The following NID2 variants were observed in gnomAD, a reference collection of about 807,000 sequenced individuals.
The protein encoded by NID2 is nidogen 2, also known as nidogen-2.
A neutral mutation model predicts 145.4 loss-of-function variants in NID2; 83 were observed. That is an observed-to-expected ratio of 0.57 (90% confidence interval 0.48 to 0.69). The LOEUF is 0.69. Among genes scored for constraint, NID2 ranks in the 30% least tolerant of loss-of-function variants. The pLI is 0.00. For missense variants in NID2, 1,807 were observed against 1,765.7 expected, an observed-to-expected ratio of 1.02 and a Z score of -0.42; for synonymous variants, 739 against 701.3, an observed-to-expected ratio of 1.05 and a Z score of -0.85.
intron 5 of NID2, among the ~76,000 whole-genome samples, chr14:52,043,132 G>T (rs1039377813): frequency 6.6e-6 from 1 of 152,170 alleles, no homozygotes; most frequent in Non-Finnish European, 1.5e-5. Context: ...ACTGCTCCCG[G>T]CTGGGTCCCA....
rs1892620612 is a variant in NID2 at position 52,049,583 on chromosome 14, A to T, written c.1429+3996T>A. Among the ~76,000 whole-genome samples the T allele has an allele frequency of 2.0e-5, 3 of 152,276 alleles. No individual in the cohort carries two copies. The South Asian group carries it at 6.2e-4, about 32-fold the overall frequency. ...AATTTTTACTGCTACCTCAAAAAAA[A>T]AAAAAGTCATTTTCACCGCAGGAAA... On this transcript the variant is annotated intron_variant, in intron 5 of 21. Transcript: ENST00000216286.
chr14:52,068,535 C>T (rs1893306928), intron 1 of NID2, among the ~76,000 whole-genome samples: 1 of 152,226 alleles, frequency 6.6e-6, no homozygotes, highest in East Asian at 1.9e-4. Flanking sequence ...CCTTTTCTGC[C>T]TGGGACGCGT....
chr14:52,035,486 T>C (rs1159703916), intron 9 of NID2, among the ~76,000 whole-genome samples: 1 of 152,138 alleles, frequency 6.6e-6, no homozygotes, highest in Non-Finnish European at 1.5e-5. Context: ...CAGGTGAGGC[T>C]AATGGTCATT....
chr14:52,040,588 G>C (rs781308671), intron 8 of NID2, 63 bp downstream of exon 8: 7 of 1,403,674 alleles, frequency 5.0e-6, no homozygotes, highest in Non-Finnish European at 7.1e-6. Context: ...TTTAAGCCTT[G>C]TATCTATCTT....
chr14:52,030,489 GAAAGAAAGAAAGAGAAAGAAAGAAAGA>G (rs1420292394), intron 9 of NID2, among the ~76,000 whole-genome samples: 1 of 49,322 alleles, frequency 2.0e-5, no homozygotes, highest in African/African-American at 6.4e-5. Context: ...AGAAAAGAAA[GAAAGAAAGAAAGAGAAAGAAAGAAAGA>G]AAAGAAAGAA....
At position 52,014,444 on chromosome 14, in the gene NID2, A is replaced by T; in HGVS notation, c.3263T>A (p.Val1088Asp). 1 of 1,610,706 alleles carries T rather than the reference A, an allele frequency of 6.2e-7. No homozygotes were observed. Among genetic ancestry groups the T allele is most frequent in the South Asian group, 1.1e-5 (1 of 90,690 alleles). Residue 1088 changes from valine to aspartate, a missense_variant, in exon 16 of 22, where the codon GTC (valine) becomes GAC (aspartate). Val to Asp is a radical substitution (Grantham distance 152). Transcript: ENST00000216286. ...PGTTPACIPT[V>D]APPMVRPTPR... ...CGTGGGCCGGACCATGGGTGGAGCG[A>T]CGGTGGGTATACCTGTGGGAGAGAG...
intron 9 of NID2, among the ~76,000 whole-genome samples, chr14:52,032,010 G>A (rs1449465235): frequency 6.6e-6 from 1 of 152,134 alleles, no homozygotes; most frequent in African/African-American, 2.4e-5. Context: ...CTCATAGACT[G>A]GACTCGCTCC....
At chr14:52,008,537 A>C (rs1348282688) in intron 18 of NID2, 3 of 152,214 alleles carry the variant, frequency 2.0e-5, no homozygotes, top group Non-Finnish European at 2.9e-5. Flanking sequence ...GCAGTAGGTA[A>C]CTAATACACA....
At chr14:52,027,168 T>G (rs771140061) in intron 12 of NID2, 33 bp downstream of exon 12, 24 of 1,438,122 alleles carry the variant, frequency 1.7e-5, no homozygotes, top group Non-Finnish European at 2.2e-5. Flanking sequence ...AAAGCAACTT[T>G]CCAGTCATTG....
At chr14:52,032,094 TG>T (rs1891890476) in intron 9 of NID2, among the ~76,000 whole-genome samples, 1 of 152,258 alleles carries the variant, frequency 6.6e-6, no homozygotes, top group South Asian at 2.1e-4. Context: ...TCCAGTGCCC[TG>T]TCATAGCCTG....
rs73290032 is a variant in NID2 at position 52,054,469 on chromosome 14, A to T, written c.768-148T>A. 1,503 of 764,068 alleles carry T rather than the reference A, an allele frequency of 2.0e-3. 14 individuals carry two copies. The African/African-American group carries it at 0.024, about 12-fold the overall frequency. 47.3% of individuals were successfully genotyped at this position (764,068 alleles called of 1,614,324 possible). A position where few individuals can be genotyped will look rare whatever the true frequency, so the allele number is the denominator to read the frequency against. Reference sequence around the variant, plus strand: ...ATAATCCCAGCACTTTGCAAGGCCAAAGTAGGAGGATGACTTAAGCCCAGG... The same window carrying T: ...ATAATCCCAGCACTTTGCAAGGCCATAGTAGGAGGATGACTTAAGCCCAGG... On this transcript the variant is annotated intron_variant, in intron 3 of 21. Coordinates refer to ENST00000216286, the MANE Select transcript of NID2 (RefSeq NM_007361.4).
chr14:52,023,693 T>C (rs571422890), intron 12 of NID2, among the ~76,000 whole-genome samples: 91 of 152,192 alleles, frequency 6.0e-4, no homozygotes, highest in South Asian at 1.0e-3. Flanking sequence ...AGGACAAACA[T>C]GTCTGAGAAA....
At position 52,065,369 on chromosome 14, in the gene NID2, C is replaced by G. The variant is rs539962178; in HGVS notation, c.534+2489G>C. 6.6e-5 allele frequency among the ~76,000 whole-genome samples: 10 copies of G among 151,694 alleles called. No homozygotes were observed. The East Asian group carries it at 1.9e-3, about 29-fold the overall frequency. ...CCAAAGAACTATTAAAACAAGAACT[C>G]AAGTCCCAGAGCTCTTTAAAATATT... On this transcript the variant is annotated intron_variant, in intron 2 of 21. Coordinates refer to ENST00000216286, the MANE Select transcript of NID2 (RefSeq NM_007361.4).
chr14:52,011,545 G>A lies in NID2; in HGVS notation c.3550+9C>T, dbSNP rs1262952194. On this transcript the variant is annotated intron_variant, in intron 17 of 21. Coordinates refer to ENST00000216286, the MANE Select transcript of NID2 (RefSeq NM_007361.4). Reference sequence around the variant, plus strand: ...AATGAAATGCAGACTGCTGAGTGAAGCTGCTGACCTGAATTCACGATCGTC... The same window carrying A: ...AATGAAATGCAGACTGCTGAGTGAAACTGCTGACCTGAATTCACGATCGTC... 6.2e-7 allele frequency: 1 copy of A among 1,614,004 alleles called. No homozygotes were observed. The highest frequency in any genetic ancestry group is 1.7e-5 in the Admixed American group (1 of 59,998).
In NID2 at chr14:52,005,451, T is replaced by A. The variant is rs770785910; in HGVS notation, c.*35A>T. ...CTGTTCTTTAGGGTCCAGGTTCTGA[T>A]TGTAAACTCCAAGTCTTCCTTTACA... On this transcript the variant is annotated 3_prime_UTR_variant, in exon 22 of 22. Transcript: ENST00000216286. The A allele has an allele frequency of 6.4e-7, 1 of 1,564,772 alleles. No individual in the cohort carries two copies. The highest frequency in any genetic ancestry group is 1.4e-5 in the African/African-American group (1 of 72,872).
Position 52,006,569 on chromosome 14 carries a change from A to G in NID2, c.3972T>C (p.Tyr1324=), listed in dbSNP as rs1009782213. 1.2e-6 allele frequency: 2 copies of G among 1,613,854 alleles called. No individual in the cohort carries two copies. Among genetic ancestry groups the G allele is most frequent in the Non-Finnish European group, 8.5e-7 (1 of 1,179,770 alleles). The change falls in exon 20 of 22, where the codon TAT becomes TAC. Residue 1324 remains tyrosine (Y), a synonymous_variant. Coordinates refer to ENST00000216286, the MANE Select transcript of NID2 (RefSeq NM_007361.4). Reference sequence around the variant, plus strand: ...AGTCTGTGTGGTAGAAGTGATCTGCATAGCTTACGATGCTGAAGGGGTACT... The same window carrying G: ...AGTCTGTGTGGTAGAAGTGATCTGCGTAGCTTACGATGCTGAAGGGGTACT... The part of the protein sequence containing the change: ...NLKYPFSIVS[Y]ADHFYHTDWR...
intron 1 of NID2, among the ~76,000 whole-genome samples, 190 bp downstream of exon 1, chr14:52,068,576 TC>T (rs1364331850): frequency 6.6e-6 from 1 of 152,152 alleles, no homozygotes; most frequent in Non-Finnish European, 1.5e-5. Context: ...TGCTCTCCCC[TC>T]CAGGTCATTC....
intron 3 of NID2, among the ~76,000 whole-genome samples, chr14:52,059,155 T>C (rs972902873): frequency 2.6e-5 from 4 of 152,224 alleles, no homozygotes; most frequent in African/African-American, 9.6e-5. Context: ...ACAATTCTTG[T>C]GAGTTTTAAT....
chr14:52,010,235 T>G (rs181865443), intron 18 of NID2: 148 of 152,328 alleles, frequency 9.7e-4, no homozygotes, highest in African/African-American at 3.4e-3. Context: ...TTTACTGATT[T>G]GAAGGGCATC....
Sources: gnomAD v4.1 joint callset for allele counts (sites outside exome capture counted in the v4.1 genomes callset) on GRCh38, gnomAD v4.1.1 for gene constraint, MANE v1.5 for transcripts, NCBI Gene and HGNC (gene_info 2026-07-23, HGNC 2026-07-21) for gene names.